Variants in CCDC14 observed in about 807,000 individuals in gnomAD.
CCDC14 encodes coiled-coil domain-containing protein 14.
Under a neutral mutation model 81.4 loss-of-function variants are expected in CCDC14, and 71 were observed. That is an observed-to-expected ratio of 0.87 (90% CI 0.72 to 1.06). The LOEUF (loss-of-function observed/expected upper bound fraction) is 1.06. CCDC14 is among the 50% of genes least tolerant of loss of function. CCDC14 has a pLI of 0.00. For missense variants in CCDC14, 1,046 were observed against 1,047.3 expected, an observed-to-expected ratio of 1.00 and a Z score of 0.02; for synonymous variants, 332 against 364.8, an observed-to-expected ratio of 0.91 and a Z score of 1.03.
intron 4 of CCDC14, 21 bp from the exon 5 acceptor site, chr3:123,955,986 T>G: frequency 3.3e-6 from 5 of 1,527,310 alleles, no homozygotes; most frequent in Non-Finnish European, 4.4e-6. Context: ...AACAAAAATT[T>G]GTTACATCAA....
chr3:123,923,128 A>T (rs2035151057), intron 12 of CCDC14, among the ~76,000 whole-genome samples: 1 of 152,146 alleles, frequency 6.6e-6, no homozygotes, highest in Non-Finnish European at 1.5e-5. Context: ...GGTTCAACGT[A>T]TAAAACCGAT....
intron 12 of CCDC14, among the ~76,000 whole-genome samples, chr3:123,916,141 G>T (rs546750570): frequency 1.3e-4 from 20 of 152,120 alleles, no homozygotes; most frequent in African/African-American, 4.8e-4. Context: ...TGGGATTACA[G>T]GTGCGCATCA....
At chr3:123,925,484 G>A (rs1266941782) in intron 12 of CCDC14, among the ~76,000 whole-genome samples, 1 of 152,080 alleles carries the variant, frequency 6.6e-6, no homozygotes, top group African/African-American at 2.4e-5. Context: ...TGCCCAAGCT[G>A]GAGTACAGTG....
At chr3:123,927,913 A>C (rs2035463884) in intron 12 of CCDC14, among the ~76,000 whole-genome samples, 1 of 152,222 alleles carries the variant, frequency 6.6e-6, no homozygotes. Flanking sequence ...CACAGGTAGA[A>C]GAATCCCTCA....
intron 1 of CCDC14, chr3:123,958,665 T>G (rs1159502035): frequency 6.6e-6 from 1 of 152,212 alleles, no homozygotes; most frequent in East Asian, 1.9e-4. Flanking sequence ...AAGGCCATTC[T>G]CTAACATAAC....
chr3:123,912,919 C>G (rs1322517202), downstream of CCDC14, among the ~76,000 whole-genome samples: 2 of 152,100 alleles, frequency 1.3e-5, no homozygotes, highest in African/African-American at 4.8e-5. Flanking sequence ...ACGGTACATC[C>G]TAATATACCA....
intron 12 of CCDC14, among the ~76,000 whole-genome samples, chr3:123,920,074 A>T (rs986100302): frequency 6.6e-6 from 1 of 152,228 alleles, no homozygotes; most frequent in Non-Finnish European, 1.5e-5. Context: ...AACAAATTTT[A>T]AAAATCAAAT....
At chr3:123,909,181 A>G (rs1185448637), downstream of CCDC14, among the ~76,000 whole-genome samples, 1 of 152,102 alleles carries the variant, frequency 6.6e-6, no homozygotes, top group Non-Finnish European at 1.5e-5. Flanking sequence ...ATAATCTGGA[A>G]AGGATGGTGG....
chr3:123,907,468 G>A (rs2034337119), intron 5 of CCDC14, among the ~76,000 whole-genome samples: 1 of 151,734 alleles, frequency 6.6e-6, no homozygotes, highest in Non-Finnish European at 1.5e-5. Context: ...AGCACATTGG[G>A]AGGCCAAGGC....
intron 12 of CCDC14, among the ~76,000 whole-genome samples, chr3:123,920,631 T>C (rs2034990050): frequency 6.6e-6 from 1 of 152,180 alleles, no homozygotes; most frequent in Non-Finnish European, 1.5e-5. Flanking sequence ...ATAAAAACTT[T>C]CCCAGACAAA....
Position 123,914,719 on chromosome 3 carries a change from C to T in CCDC14, c.*60G>A, listed in dbSNP as rs894625457. On this transcript the variant is annotated 3_prime_UTR_variant, in exon 13 of 13. Transcript: ENST00000409697. ...CATCATTTCACTAAAGAAAAATACA[C>T]ATTCAATATAGCCAAGTTCTAGTTT... 2 of 1,453,518 alleles carry T rather than the reference C, an allele frequency of 1.4e-6. No individual in the cohort carries two copies. The highest frequency in any genetic ancestry group is 1.5e-5 in the South Asian group (1 of 65,870). The allele number at this position is 1,453,518 out of a possible 1,614,324, so 90.0% of individuals were successfully genotyped here. A position where few individuals can be genotyped will look rare whatever the true frequency, so the allele number is the denominator to read the frequency against.
intron 5 of CCDC14, chr3:123,954,319 A>T (rs1397228302): frequency 6.6e-6 from 1 of 152,152 alleles, no homozygotes; most frequent in Non-Finnish European, 1.5e-5. Flanking sequence ...AAACTACTCA[A>T]CTCTGACACT....
the CCDC14 span, among the ~76,000 whole-genome samples, chr3:123,887,719 A>T: frequency 2.0e-5 from 3 of 152,210 alleles, no homozygotes; most frequent in Non-Finnish European, 4.4e-5. Flanking sequence ...TTGAAAGTAA[A>T]CAGTGTGTAT....
intron 10 of CCDC14, among the ~76,000 whole-genome samples, chr3:123,931,998 T>C (rs1047903586): frequency 6.6e-6 from 1 of 152,192 alleles, no homozygotes; most frequent in Non-Finnish European, 1.5e-5. Context: ...TGCCTTTTTT[T>C]CCCATAAGAC....
intron 12 of CCDC14, among the ~76,000 whole-genome samples, chr3:123,917,693 T>C (rs1414774896): frequency 2.0e-5 from 3 of 151,362 alleles, no homozygotes; most frequent in African/African-American, 4.9e-5. Flanking sequence ...AAAATAAGAA[T>C]AATACCCACT....
At chr3:123,898,573 C>T (rs541128978) in intron 5 of CCDC14, among the ~76,000 whole-genome samples, 2 of 152,304 alleles carry the variant, frequency 1.3e-5, no homozygotes, top group Non-Finnish European at 1.5e-5. Context: ...TCCAAGGGAA[C>T]TTATAGGTGA....
chr3:123,951,046 A>G (rs1199059654), intron 5 of CCDC14, among the ~76,000 whole-genome samples: 1 of 152,292 alleles, frequency 6.6e-6, no homozygotes, highest in South Asian at 2.1e-4. Flanking sequence ...TTTTCAGATG[A>G]TCTACTCCTA....
chr3:123,945,078 T>C (rs1222235256), intron 8 of CCDC14, 88 bp from the exon 9 acceptor site: 1 of 726,772 alleles, frequency 1.4e-6, no homozygotes, highest in Non-Finnish European at 2.1e-6. Context: ...AAAATCTTTA[T>C]AGATATGTAC....
chr3:123,900,611 T>G (rs146557943), intron 5 of CCDC14, among the ~76,000 whole-genome samples: 1 of 152,216 alleles, frequency 6.6e-6, no homozygotes, highest in Admixed American at 6.5e-5. Flanking sequence ...TAATTCATGT[T>G]GCTAATAAAA....
Sources: gnomAD v4.1 joint callset for allele counts (sites outside exome capture counted in the v4.1 genomes callset) on GRCh38, gnomAD v4.1.1 for gene constraint, MANE v1.5 for transcripts, NCBI Gene and HGNC (gene_info 2026-07-23, HGNC 2026-07-21) for gene names.